The following TIAM1 variants were observed in gnomAD, a reference collection of about 807,000 sequenced individuals.
TIAM1 encodes the protein TIAM Rac1 associated GEF 1, also known as rho guanine nucleotide exchange factor TIAM1.
In TIAM1, 65 loss-of-function variants were observed where a neutral mutation model predicts 163.5. That is an observed-to-expected ratio of 0.40 (90% CI 0.33 to 0.49). The LOEUF (loss-of-function observed/expected upper bound fraction) is 0.49. TIAM1 is among the 20% of genes least tolerant of loss of function. The pLI, the probability that TIAM1 is intolerant of heterozygous loss-of-function variation, is 0.77. For synonymous variants in TIAM1, 833 were observed against 810.1 expected (o/e 1.03, Z -0.48); for missense variants, 1,789 against 2,044.7 (o/e 0.87, Z 2.41).
chr21:31,392,366 T>C (rs1312466303), intron 2 of TIAM1, among the ~76,000 whole-genome samples: 4 of 147,666 alleles, frequency 2.7e-5, no homozygotes, highest in African/African-American at 1.0e-4. Context: ...AGGTCAGGAG[T>C]TCAAGACCAG....
chr21:31,342,886 C>A (rs879755797), intron 1 of TIAM1, among the ~76,000 whole-genome samples: 2 of 152,154 alleles, frequency 1.3e-5, no homozygotes, highest in South Asian at 4.1e-4. Context: ...AAGCAAACTG[C>A]GGCCCCAGCA....
At chr21:31,557,296 G>GTGAAGAAC (rs1283627325) in intron 1 of TIAM1, among the ~76,000 whole-genome samples, 12 of 152,142 alleles carry the variant, frequency 7.9e-5, no homozygotes, top group African/African-American at 2.9e-4. Context: ...GGCTGGGGGA[G>GTGAAGAAC]TGAAGAACGC....
chr21:31,328,873 C>A (rs1341765344), intron 2 of TIAM1, among the ~76,000 whole-genome samples: 1 of 152,072 alleles, frequency 6.6e-6, no homozygotes. Flanking sequence ...CTCGAACTCC[C>A]AGGCTCAAGT....
chr21:31,300,979 CA>C (rs1233976696), intron 2 of TIAM1, among the ~76,000 whole-genome samples: 2 of 152,174 alleles, frequency 1.3e-5, no homozygotes, highest in African/African-American at 4.8e-5. Context: ...TCAAGAAAGG[CA>C]GCACCAAAAA....
chr21:31,161,150 A>T (rs1161732400), intron 16 of TIAM1, among the ~76,000 whole-genome samples: 1 of 152,096 alleles, frequency 6.6e-6, no homozygotes, highest in African/African-American at 2.4e-5. Context: ...AGACAAAAAC[A>T]ATATGGATGA....
chr21:31,464,836 C>G (rs2045464583), intron 1 of TIAM1, among the ~76,000 whole-genome samples: 1 of 124,748 alleles, frequency 8.0e-6, no homozygotes, highest in Non-Finnish European at 1.7e-5. Context: ...GAGCAAGCTT[C>G]CGTCTCGGGA....
chr21:31,403,309 G>A (rs768746167), intron 2 of TIAM1, among the ~76,000 whole-genome samples: 5 of 151,960 alleles, frequency 3.3e-5, no homozygotes, highest in South Asian at 2.1e-4. Flanking sequence ...CACCACACCC[G>A]GCTAATTTTT....
At chr21:31,433,459 A>G (rs2044109800) in intron 2 of TIAM1, among the ~76,000 whole-genome samples, 1 of 152,250 alleles carries the variant, frequency 6.6e-6, no homozygotes, top group African/African-American at 2.4e-5. Context: ...AGTAAATGGA[A>G]TAATTAGATT....
intron 6 of TIAM1, among the ~76,000 whole-genome samples, chr21:31,244,547 A>T (rs1225462098): frequency 6.6e-6 from 1 of 152,194 alleles, no homozygotes; most frequent in Non-Finnish European, 1.5e-5. Context: ...CAATATGGTG[A>T]AACCCCGTAT....
At chr21:31,420,091 T>C (rs2043513487) in intron 2 of TIAM1, among the ~76,000 whole-genome samples, 2 of 152,148 alleles carry the variant, frequency 1.3e-5, no homozygotes, top group Admixed American at 1.3e-4. Context: ...ATAACATCCT[T>C]ATAAGAAACT....
At chr21:31,479,839 C>T (rs2046055979) in intron 1 of TIAM1, among the ~76,000 whole-genome samples, 1 of 152,206 alleles carries the variant, frequency 6.6e-6, no homozygotes, top group Non-Finnish European at 1.5e-5. Flanking sequence ...CTATTCCCCA[C>T]TGGGATTCCC....
rs147425722 is a variant in TIAM1, at chr21:31,316,273, T to C, written c.-189+22970A>G. Among the ~76,000 whole-genome samples, 20 of 152,082 alleles carry C rather than the reference T, an allele frequency of 1.3e-4. No homozygotes were observed. The East Asian group carries it at 2.3e-3, about 18-fold the overall frequency. On this transcript the variant is annotated intron_variant, in intron 2 of 27. Transcript: ENST00000541036. ...GCCTCCCACAGAGAAGCTGCCAGAA[T>C]GCTCTGAAAGAGGATGAGTTTAAAC...
chr21:31,473,246 G>C (rs767446152), intron 1 of TIAM1, among the ~76,000 whole-genome samples: 8 of 151,936 alleles, frequency 5.3e-5, no homozygotes, highest in African/African-American at 1.9e-4. Flanking sequence ...TGGCTAACAC[G>C]GTGAAACCCC....
At position 31,118,612 on chromosome 21, in the gene TIAM1, ATGTGT is replaced by A. The variant is rs1250398217; in HGVS notation, c.*1751_*1755del. Reference sequence around the variant, plus strand: ...CAGACTTCCGAGTGTTTTCAGATGGATGTGTTGCACTGGAGCCAGTAAATGCGACG... The same window carrying A: ...CAGACTTCCGAGTGTTTTCAGATGGATGCACTGGAGCCAGTAAATGCGACG... On this transcript the variant is annotated 3_prime_UTR_variant, in exon 28 of 28. Coordinates refer to ENST00000541036, the MANE Select transcript of TIAM1 (RefSeq NM_001353694.2). The A allele has an allele frequency of 5.9e-5, 28 of 471,314 alleles. No individual in the cohort carries two copies. Among genetic ancestry groups the A allele is most frequent in the Non-Finnish European group, 7.9e-5 (18 of 227,134 alleles). 29.2% of individuals were successfully genotyped at this position (471,314 alleles called of 1,614,324 possible).
intron 11 of TIAM1, among the ~76,000 whole-genome samples, chr21:31,203,416 C>T (rs1391015834): frequency 1.3e-5 from 2 of 152,240 alleles, no homozygotes; most frequent in African/African-American, 4.8e-5. Flanking sequence ...GGCCACTGCT[C>T]CCGGCCCAAT....
intron 2 of TIAM1, among the ~76,000 whole-genome samples, chr21:31,411,430 C>T (rs1293118678): frequency 2.6e-5 from 4 of 151,054 alleles, no homozygotes; most frequent in African/African-American, 7.3e-5. Flanking sequence ...CAAAAGCAGC[C>T]GTGGAAGATA....
chr21:31,481,931 G>T (rs1479858438), intron 1 of TIAM1, among the ~76,000 whole-genome samples: 4 of 152,036 alleles, frequency 2.6e-5, no homozygotes, highest in Middle Eastern at 3.4e-3. Context: ...TAATCACATG[G>T]TTTGGTCTTT....
chr21:31,144,233 G>A (rs945479640), intron 20 of TIAM1, among the ~76,000 whole-genome samples: 1 of 152,310 alleles, frequency 6.6e-6, no homozygotes, highest in Non-Finnish European at 1.5e-5. Context: ...GAGCTGGGCC[G>A]GGCTGGGGGC....
chr21:31,278,393 C>T (rs975970613), intron 2 of TIAM1, among the ~76,000 whole-genome samples: 1 of 152,182 alleles, frequency 6.6e-6, no homozygotes, highest in South Asian at 2.1e-4. Flanking sequence ...CTTTTTAAAG[C>T]CTGCTGGTAG....
Sources: allele counts gnomAD v4.1 joint callset (sites outside exome capture counted in the v4.1 genomes callset), GRCh38; gene constraint gnomAD v4.1.1; transcripts MANE v1.5; gene names NCBI Gene and HGNC (gene_info 2026-07-23, HGNC 2026-07-21).